ZNF337: variants seen among roughly 807,000 people sequenced by gnomAD.
ZNF337 encodes zinc finger protein 337.
Under a neutral mutation model 12.1 loss-of-function variants are expected in ZNF337, and 8 were observed. The observed-to-expected ratio is 0.66, with a 90% CI of 0.39 to 1.19. The LOEUF (loss-of-function observed/expected upper bound fraction) is 1.19. ZNF337 is among the 50% of genes most tolerant of loss of function. The probability of loss-of-function intolerance (pLI) is 0.01; values close to 1 mark genes in which losing one functional copy is unlikely to be tolerated. For missense variants in ZNF337, 882 were observed against 896.6 expected, an observed-to-expected ratio of 0.98 and a Z score of 0.21; for synonymous variants, 336 against 320.0, an observed-to-expected ratio of 1.05 and a Z score of -0.53.
In ZNF337 at chr20:25,696,853, C is replaced by T. The variant is rs2065938740; in HGVS notation, c.-144G>A. Reference sequence around the variant, plus strand: ...ACGCCCAGGGATCTGGAACGCTCTGCGCCGCCCGGGACTACACTACCCAGA... The same window carrying T: ...ACGCCCAGGGATCTGGAACGCTCTGTGCCGCCCGGGACTACACTACCCAGA... On this transcript the variant is annotated 5_prime_UTR_variant, in exon 1 of 5. Coordinates refer to ENST00000252979, the MANE Select transcript of ZNF337 (RefSeq NM_015655.4). 3.1e-6 allele frequency: 3 copies of T among 983,070 alleles called. No homozygotes were observed. Among genetic ancestry groups the T allele is most frequent in the Admixed American group, 1.2e-4 (2 of 16,268 alleles). The allele number at this position is 983,070 out of a possible 1,614,324, so 60.9% of individuals were successfully genotyped here. A position where few individuals can be genotyped will look rare whatever the true frequency, so the allele number is the denominator to read the frequency against.
Position 25,675,225 on chromosome 20 carries a change from T to C in ZNF337, c.2063A>G (p.Gln688Arg), listed in dbSNP as rs1043876055. The C allele has an allele frequency of 3.7e-6, 6 of 1,614,134 alleles. No individual in the cohort carries two copies. In the African/African-American group the frequency reaches 8.0e-5, roughly 22 times the overall value. Residue 688 changes from glutamine (Q) to arginine (R), a missense_variant, in exon 5 of 5, where the codon CAG (glutamine) becomes CGG (arginine). By Grantham distance (43) the Gln-to-Arg change is conservative. Transcript: ENST00000252979. Reference sequence around the variant, plus strand: ...ACTGGTATAGCCTCGCTTACACTCCTGGCAAACAAAAGGCTTCTCCTTTGA... The same window carrying C: ...ACTGGTATAGCCTCGCTTACACTCCCGGCAAACAAAAGGCTTCTCCTTTGA... ...IHSKEKPFVC[Q>R]ECKRGYTSKS... is the part of the protein sequence containing the mutation.
At chr20:25,696,017 AG>A in intron 1 of ZNF337, among the ~76,000 whole-genome samples, 1 of 151,334 alleles carries the variant, frequency 6.6e-6, no homozygotes, top group Non-Finnish European at 1.5e-5. Flanking sequence ...GTCATTAGCA[AG>A]GCCCCAGGGA....
intron 1 of ZNF337, among the ~76,000 whole-genome samples, chr20:25,692,023 G>A (rs1298796114): frequency 1.3e-5 from 2 of 152,034 alleles, no homozygotes; most frequent in Non-Finnish European, 2.9e-5. Flanking sequence ...AGGAAGGAAG[G>A]GAAGGAAAAA....
intron 4 of ZNF337, among the ~76,000 whole-genome samples, chr20:25,684,338 A>C (rs2122414353): frequency 6.6e-6 from 1 of 152,150 alleles, no homozygotes; most frequent in African/African-American, 2.4e-5. Context: ...ATGTACCCTA[A>C]AACTTAAAGT....
chr20:25,680,274 T>A (rs1420139853), intron 4 of ZNF337, among the ~76,000 whole-genome samples: 2 of 152,032 alleles, frequency 1.3e-5, no homozygotes, highest in Non-Finnish European at 2.9e-5. Flanking sequence ...AAAAATGGAG[T>A]ATACAGAGAA....
In ZNF337 at chr20:25,675,507, T is replaced by C; in HGVS notation, c.1781A>G (p.His594Arg). Reference sequence around the variant, plus strand: ...ACAGATGAAAGGCTTCTCCCCTGAGTGTGTCTTCTGGTGGAAGAGGAGAGT... The same window carrying C: ...ACAGATGAAAGGCTTCTCCCCTGAGCGTGTCTTCTGGTGGAAGAGGAGAGT... ...KSTLLFHQKT[H>R]SGEKPFICSE... The change falls in exon 5 of 5, where the codon CAC becomes CGC. Residue 594 changes from histidine to arginine, a missense_variant. By Grantham distance (29) the His-to-Arg change is conservative (BLOSUM62 0). Coordinates refer to ENST00000252979, the MANE Select transcript of ZNF337 (RefSeq NM_015655.4). 1.2e-6 allele frequency: 2 copies of C among 1,614,184 alleles called. No homozygotes were observed. The highest frequency in any genetic ancestry group is 1.7e-6 in the Non-Finnish European group (2 of 1,180,030).
At chr20:25,695,545 T>C (rs376131719) in intron 1 of ZNF337, among the ~76,000 whole-genome samples, 1 of 152,146 alleles carries the variant, frequency 6.6e-6, no homozygotes, top group African/African-American at 2.4e-5. Flanking sequence ...ATCTTTCTCT[T>C]ATTGATTTAT....
At chr20:25,681,056 G>C (rs2065763087) in intron 4 of ZNF337, 1 of 152,228 alleles carries the variant, frequency 6.6e-6, no homozygotes, top group South Asian at 2.1e-4. Context: ...ATGGTATTTG[G>C]AGGTGGAGTT....
At chr20:25,682,226 CTAT>C (rs1238686055) in intron 4 of ZNF337, among the ~76,000 whole-genome samples, 1 of 151,956 alleles carries the variant, frequency 6.6e-6, no homozygotes, top group African/African-American at 2.4e-5. Context: ...AATACAGTAA[CTAT>C]TATTAGGTTT....
chr20:25,683,631 G>T (rs1358475588), intron 4 of ZNF337, among the ~76,000 whole-genome samples: 1 of 152,090 alleles, frequency 6.6e-6, no homozygotes, highest in Non-Finnish European at 1.5e-5. Flanking sequence ...GGCCATCAGA[G>T]AAATGCAAAT....
chr20:25,682,189 A>G (rs1401165266), intron 4 of ZNF337, among the ~76,000 whole-genome samples: 2 of 152,212 alleles, frequency 1.3e-5, no homozygotes, highest in Non-Finnish European at 2.9e-5. Context: ...TTAGGAACTA[A>G]TATTAATATT....
chr20:25,689,836 C>T (rs952486721), intron 1 of ZNF337, among the ~76,000 whole-genome samples: 5 of 152,156 alleles, frequency 3.3e-5, no homozygotes, highest in Non-Finnish European at 7.3e-5. Flanking sequence ...TTTTTCATAA[C>T]ACTAGTTTAC....
At chr20:25,677,286 A>C (rs1431215663) in intron 4 of ZNF337, 1 of 407,698 alleles carries the variant, frequency 2.5e-6, no homozygotes. Flanking sequence ...AGAGAACTAC[A>C]GGCCAATATC....
In ZNF337 at chr20:25,696,790, G is replaced by A; in HGVS notation, c.-81C>T. 2.0e-6 allele frequency: 2 copies of A among 985,550 alleles called. No homozygotes were observed. The highest frequency in any genetic ancestry group is 2.4e-6 in the Non-Finnish European group (2 of 829,998). 61.1% of individuals were successfully genotyped at this position (985,550 alleles called of 1,614,324 possible). On this transcript the variant is annotated 5_prime_UTR_variant, in exon 1 of 5. Coordinates refer to ENST00000252979, the MANE Select transcript of ZNF337 (RefSeq NM_015655.4). ...GGCTGAGGGCGAACCGAGGCGGTGA[G>A]GTCACCGATGGTGGACCACGCATCT... is the stretch of plus-strand genomic sequence containing the variant.
chr20:25,684,585 G>A (rs2065805466), intron 4 of ZNF337, among the ~76,000 whole-genome samples: 2 of 152,102 alleles, frequency 1.3e-5, no homozygotes, highest in African/African-American at 4.8e-5. Flanking sequence ...CAAGGATCTA[G>A]AACTAGAAAT....
At chr20:25,690,276 A>AAAC (rs577049293) in intron 1 of ZNF337, among the ~76,000 whole-genome samples, 9 of 152,294 alleles carry the variant, frequency 5.9e-5, no homozygotes, top group East Asian at 1.9e-4. Context: ...CAAGAAAACA[A>AAAC]AACAACAACA....
intron 1 of ZNF337, among the ~76,000 whole-genome samples, chr20:25,694,934 T>A (rs960840723): frequency 6.6e-6 from 1 of 152,222 alleles, no homozygotes; most frequent in African/African-American, 2.4e-5. Flanking sequence ...TCTCCATTAA[T>A]GTAGCCAGAC....
chr20:25,676,373 G>A lies in ZNF337; in HGVS notation c.915C>T (p.Ser305=), dbSNP rs2065690094. 1.2e-6 allele frequency: 2 copies of A among 1,612,738 alleles called. No individual in the cohort carries two copies. The highest frequency in any genetic ancestry group is 1.7e-6 in the Non-Finnish European group (2 of 1,179,656). The part of the protein sequence containing the change: ...QECGRRFNDK[S]SYNKHLKAHS... ...GCGCCTTCAAGTGCTTGTTGTATGAGGACTTATCGTTAAACCTTCGCCCAC... is the reference window on the plus strand; with the variant it reads ...GCGCCTTCAAGTGCTTGTTGTATGAAGACTTATCGTTAAACCTTCGCCCAC... Residue 305 remains serine (S), a synonymous_variant, in exon 5 of 5, where the codon TCC becomes TCT. Transcript: ENST00000252979.
intron 3 of ZNF337, 101 bp from the exon 4 acceptor site, chr20:25,685,763 G>C (rs1160892474): frequency 8.9e-6 from 11 of 1,239,930 alleles, no homozygotes; most frequent in East Asian, 2.3e-5. Flanking sequence ...GAATCAGAGG[G>C]GGAAGGCTCA....
Sources: gnomAD v4.1 joint callset for allele counts (sites outside exome capture counted in the v4.1 genomes callset) on GRCh38, gnomAD v4.1.1 for gene constraint, MANE v1.5 for transcripts, NCBI Gene and HGNC (gene_info 2026-07-23, HGNC 2026-07-21) for gene names.